The following DLGAP4 variants were observed in gnomAD, a reference collection of about 807,000 sequenced individuals.
DLGAP4 encodes disks large-associated protein 4.
A neutral mutation model predicts 86.9 loss-of-function variants in DLGAP4; 18 were observed. The observed-to-expected ratio is 0.21, with a 90% confidence interval of 0.14 to 0.31. DLGAP4 has a LOEUF of 0.31. Ranked by LOEUF, DLGAP4 falls within the 10% of genes least tolerant of loss-of-function variation. The probability of loss-of-function intolerance (pLI) is 1.00; values close to 1 mark genes in which losing one functional copy is unlikely to be tolerated. For missense variants in DLGAP4, 1,085 were observed against 1,362.6 expected (o/e 0.80, Z 3.21); for synonymous variants, 548 against 574.3 (o/e 0.95, Z 0.65).
chr20:36,437,623 C>T (rs2033324798), intron 4 of DLGAP4, among the ~76,000 whole-genome samples: 1 of 152,200 alleles, frequency 6.6e-6, no homozygotes, highest in Admixed American at 6.5e-5. Flanking sequence ...CATCGTGTTG[C>T]TGTAAGGCTT....
intron 4 of DLGAP4, 117 bp from the exon 5 acceptor site, chr20:36,439,637 C>G (rs182879950): frequency 1.2e-5 from 10 of 817,860 alleles, no homozygotes; most frequent in African/African-American, 3.4e-5. Context: ...TGCCACCCTG[C>G]GGCTGCAGCG....
At chr20:36,462,738 G>A (rs977524450) in intron 7 of DLGAP4, 5 of 1,218,274 alleles carry the variant, frequency 4.1e-6, no homozygotes, top group Non-Finnish European at 4.4e-6. Context: ...GGGGAAAGGA[G>A]GGAGGGGCCA....
chr20:36,462,393 C>T, intron 7 of DLGAP4: 1 of 1,338,168 alleles, frequency 7.5e-7, no homozygotes, highest in Non-Finnish European at 9.5e-7. Context: ...TCTCGCCACT[C>T]TGTGCCTCTT....
chr20:36,483,057 T>G (rs1569515001), intron 7 of DLGAP4, among the ~76,000 whole-genome samples: 1 of 152,160 alleles, frequency 6.6e-6, no homozygotes, highest in Non-Finnish European at 1.5e-5. Context: ...CTTGGATTCC[T>G]AGGGATGATG....
At chr20:36,357,581 A>G (rs1481079730) in intron 1 of DLGAP4, among the ~76,000 whole-genome samples, 1 of 152,204 alleles carries the variant, frequency 6.6e-6, no homozygotes, top group Non-Finnish European at 1.5e-5. Flanking sequence ...ACATAGAAGG[A>G]CTGGAACTGC....
intron 8 of DLGAP4, chr20:36,499,281 A>G: frequency 1.2e-6 from 2 of 1,613,534 alleles, no homozygotes; most frequent in Middle Eastern, 1.7e-4. Context: ...CTCGGAGGAC[A>G]ACGGACCCAA....
intron 1 of DLGAP4, among the ~76,000 whole-genome samples, chr20:36,358,307 G>A (rs1382876795): frequency 1.3e-5 from 2 of 152,132 alleles, no homozygotes; most frequent in Admixed American, 6.5e-5. Context: ...CCCCGTCCTC[G>A]TGGCTCCCCA....
intron 7 of DLGAP4, among the ~76,000 whole-genome samples, chr20:36,458,375 A>T (rs2033936077): frequency 1.7e-5 from 2 of 117,240 alleles, no homozygotes; most frequent in Non-Finnish European, 1.7e-5. Flanking sequence ...TTTTGAGATG[A>T]AGTCTTGCTT....
intron 7 of DLGAP4, among the ~76,000 whole-genome samples, chr20:36,468,715 C>T (rs1379702599): frequency 6.6e-6 from 1 of 152,326 alleles, no homozygotes; most frequent in Non-Finnish European, 1.5e-5. Context: ...ATGCAGGGTA[C>T]AATTGTAACT....
intron 2 of DLGAP4, among the ~76,000 whole-genome samples, chr20:36,425,542 G>A (rs1440173612): frequency 1.5e-5 from 2 of 130,298 alleles, no homozygotes; most frequent in Admixed American, 7.5e-5. Context: ...GTTAAACATA[G>A]GGGCTGGGCG....
chr20:36,394,085 TTC>T (rs1461753377), intron 2 of DLGAP4, among the ~76,000 whole-genome samples: 2 of 152,036 alleles, frequency 1.3e-5, no homozygotes, highest in Non-Finnish European at 2.9e-5. Flanking sequence ...GCCTGGAAAA[TTC>T]TCTCTCTCCC....
At position 36,335,634 on chromosome 20, in the gene DLGAP4, G is replaced by A. The variant is rs1156436185; in HGVS notation, c.-304+29122G>A. On this transcript the variant is annotated intron_variant, in intron 1 of 12. Coordinates refer to ENST00000339266, the MANE Select transcript of DLGAP4 (RefSeq NM_001365621.2). ...CACATCAGCTGCTCTTATAGCAGAT[G>A]TTGCTGCCTTCTCCTCCCCTTCTTC... is the stretch of plus-strand genomic sequence containing the variant. Among the ~76,000 whole-genome samples the A allele has an allele frequency of 2.0e-5, 3 of 152,226 alleles. No homozygotes were observed. The East Asian group carries it at 5.8e-4, about 29-fold the overall frequency.
At chr20:36,383,094 T>C (rs2031463071) in intron 2 of DLGAP4, among the ~76,000 whole-genome samples, 2 of 152,180 alleles carry the variant, frequency 1.3e-5, no homozygotes, top group African/African-American at 4.8e-5. Context: ...AGGAGGACAC[T>C]GGTATTCTGT....
chr20:36,372,414 AC>A lies in DLGAP4; in HGVS notation c.-73+5143del, dbSNP rs530997130. ...GGACCTCAGGTCAGCACCAACCCACACCCCGCCTCTCTCCCCACCACCTCCC... is the reference window on the plus strand; with the variant it reads ...GGACCTCAGGTCAGCACCAACCCACACCCGCCTCTCTCCCCACCACCTCCC... On this transcript the variant is annotated intron_variant, in intron 2 of 12. Coordinates refer to ENST00000339266, the MANE Select transcript of DLGAP4 (RefSeq NM_001365621.2). 1.2e-4 allele frequency among the ~76,000 whole-genome samples: 17 copies of A among 146,806 alleles called. No homozygotes were observed. The East Asian group carries it at 3.0e-3, about 26-fold the overall frequency.
chr20:36,377,879 A>C (rs1245418095), intron 2 of DLGAP4, among the ~76,000 whole-genome samples: 1 of 152,238 alleles, frequency 6.6e-6, no homozygotes, highest in East Asian at 1.9e-4. Flanking sequence ...GGGGATTGGC[A>C]GATAAATTTG....
chr20:36,372,641 G>A (rs370538936), intron 2 of DLGAP4, among the ~76,000 whole-genome samples: 1 of 151,550 alleles, frequency 6.6e-6, no homozygotes, highest in Non-Finnish European at 1.5e-5. Flanking sequence ...CAAACTCTCT[G>A]AATCATGGAA....
intron 7 of DLGAP4, among the ~76,000 whole-genome samples, chr20:36,469,341 T>C (rs2034556305): frequency 6.6e-6 from 1 of 151,824 alleles, no homozygotes; most frequent in South Asian, 2.1e-4. Flanking sequence ...CCACTTCAGG[T>C]CCCTGTAGTT....
intron 1 of DLGAP4, among the ~76,000 whole-genome samples, chr20:36,321,466 G>T (rs1555890541): frequency 6.6e-6 from 1 of 152,262 alleles, no homozygotes; most frequent in Non-Finnish European, 1.5e-5. Flanking sequence ...CTGGTCATTG[G>T]TTCCACAGCC....
chr20:36,523,954 C>G (rs761348909), intron 10 of DLGAP4, among the ~76,000 whole-genome samples: 2 of 152,324 alleles, frequency 1.3e-5, no homozygotes, highest in Admixed American at 6.5e-5. Flanking sequence ...AGCCACTGTA[C>G]GCAGCCTCTC....
Sources: gnomAD v4.1 joint callset for allele counts (sites outside exome capture counted in the v4.1 genomes callset) on GRCh38, gnomAD v4.1.1 for gene constraint, MANE v1.5 for transcripts, NCBI Gene and HGNC (gene_info 2026-07-23, HGNC 2026-07-21) for gene names.